Variants in FRZB observed in about 807,000 individuals in gnomAD.
FRZB encodes frizzled related protein.
A neutral mutation model predicts 32.5 loss-of-function variants in FRZB; 34 were observed. The observed-to-expected ratio is 1.05, with a 90% CI of 0.80 to 1.39. The LOEUF (loss-of-function observed/expected upper bound fraction) is 1.39, where lower values mean the gene tolerates loss of function less well. FRZB is among the 40% of genes most tolerant of loss of function. FRZB has a pLI of 0.00. For missense variants in FRZB, 423 were observed against 424.8 expected (o/e 1.00, Z 0.04); for synonymous variants, 170 against 159.2 (o/e 1.07, Z -0.51).
At chr2:182,853,063 T>A (rs1695727298) in intron 2 of FRZB, among the ~76,000 whole-genome samples, 1 of 152,202 alleles carries the variant, frequency 6.6e-6, no homozygotes, top group African/African-American at 2.4e-5. Context: ...AAAGCATAAA[T>A]TTTTGAGTGT....
chr2:182,847,695 C>A (rs1029140346), intron 2 of FRZB, among the ~76,000 whole-genome samples: 6 of 152,136 alleles, frequency 3.9e-5, no homozygotes, highest in Non-Finnish European at 7.3e-5. Context: ...GAAGTGAAGT[C>A]ATCAGCTATG....
Position 182,834,169 on chromosome 2 carries a change from A to C in FRZB, c.*680T>G, listed in dbSNP as rs1695497657. 1 of 152,226 alleles carries C rather than the reference A, an allele frequency of 6.6e-6. No individual in the cohort carries two copies. The highest frequency in any genetic ancestry group is 1.5e-5 in the Non-Finnish European group (1 of 68,068). The allele number at this position is 152,226 out of a possible 1,614,324, so 9.4% of individuals were successfully genotyped here. On this transcript the variant is annotated 3_prime_UTR_variant, in exon 6 of 6. Coordinates refer to ENST00000295113, the MANE Select transcript of FRZB (RefSeq NM_001463.4). Reference sequence around the variant, plus strand: ...AGAAGAATGCTACCATTAACACCCCAGCGGCTACTGGTTTCAGTTGTGCTT... The same window carrying C: ...AGAAGAATGCTACCATTAACACCCCCGCGGCTACTGGTTTCAGTTGTGCTT...
rs1342871082 is a variant in FRZB at position 182,858,813 on chromosome 2, T to C, written c.499A>G (p.Asn167Asp). The C allele has an allele frequency of 1.2e-6, 2 of 1,610,612 alleles. No individual in the cohort carries two copies. Among genetic ancestry groups the C allele is most frequent in the African/African-American group, 2.7e-5 (2 of 74,830 alleles). The change falls in exon 2 of 6, where the codon AAC (asparagine) becomes GAC (aspartate). Residue 167 changes from asparagine to aspartate, a missense_variant. Transcript: ENST00000295113. ...CTGCTTGCCCCTCTACAGTTTCCGT[T>C]ACTAGAATCCATAGGAAAATCTGAA... Reference protein sequence around the residue: ...DGADFPMDSSNGNCRGASSER... With the variant: ...DGADFPMDSSDGNCRGASSER...
intron 1 of FRZB, among the ~76,000 whole-genome samples, chr2:182,865,870 T>C (rs996994945): frequency 6.6e-6 from 1 of 152,114 alleles, no homozygotes; most frequent in Non-Finnish European, 1.5e-5. Context: ...GTGCATCAGT[T>C]TGGAAGGTGA....
chr2:182,854,129 A>T (rs1695739899), intron 2 of FRZB, among the ~76,000 whole-genome samples: 1 of 152,158 alleles, frequency 6.6e-6, no homozygotes, highest in Non-Finnish European at 1.5e-5. Flanking sequence ...GGGAGTAGTT[A>T]CCTTTGAAGA....
chr2:182,854,522 G>C (rs984811373), intron 2 of FRZB, among the ~76,000 whole-genome samples: 2 of 152,172 alleles, frequency 1.3e-5, no homozygotes, highest in African/African-American at 4.8e-5. Flanking sequence ...GCATTTTGCA[G>C]ACAGAGTACA....
At position 182,866,369 on chromosome 2, in the gene FRZB, G is replaced by T; in HGVS notation, c.184C>A (p.Gln62Lys). 1 of 1,613,742 alleles carries T rather than the reference G, an allele frequency of 6.2e-7. No homozygotes were observed. The highest frequency in any genetic ancestry group is 8.5e-7 in the Non-Finnish European group (1 of 1,179,652). ...TCGATGGCCAGGATGGCGTTGGCCT[G>T]AGTGCTGTGGTGCAGGTGGTTGGGC... is the stretch of plus-strand genomic sequence containing the variant. Reference protein sequence around the residue: ...KMPNHLHHSTQANAILAIEQF... With the variant: ...KMPNHLHHSTKANAILAIEQF... Residue 62 changes from glutamine to lysine, a missense_variant, in exon 1 of 6, where the codon CAG becomes AAG. Physicochemically the swap from Gln to Lys is moderately conservative, Grantham distance 53. Transcript: ENST00000295113. This position sits in a 1 kb window ranked among gnomAD's most constrained non-coding sequence, Gnocchi z 4.5.
intron 3 of FRZB, among the ~76,000 whole-genome samples, chr2:182,842,048 T>C (rs2105753853): frequency 6.6e-6 from 1 of 152,324 alleles, no homozygotes; most frequent in East Asian, 1.9e-4. Context: ...TTTCATGGGA[T>C]AGACTGACTG....
intron 1 of FRZB, among the ~76,000 whole-genome samples, chr2:182,865,252 C>T (rs7561870): frequency 0.059 from 9,025 of 151,960 alleles, 860 homozygotes; most frequent in African/African-American, 0.21. Flanking sequence ...AATAACATTA[C>T]GTGAGTGTAT....
At chr2:182,863,781 C>T (rs1695860079) in intron 1 of FRZB, among the ~76,000 whole-genome samples, 1 of 152,148 alleles carries the variant, frequency 6.6e-6, no homozygotes, top group Non-Finnish European at 1.5e-5. Context: ...GTGGTAGTTC[C>T]TAAGTAATTC....
chr2:182,862,892 C>T (rs1413040549), intron 1 of FRZB, among the ~76,000 whole-genome samples: 1 of 151,998 alleles, frequency 6.6e-6, no homozygotes, highest in Non-Finnish European at 1.5e-5. Flanking sequence ...CCTCAGTTTC[C>T]TGGAGTAGCT....
At chr2:182,850,250 A>T (rs1695695471) in intron 2 of FRZB, among the ~76,000 whole-genome samples, 2 of 152,214 alleles carry the variant, frequency 1.3e-5, no homozygotes. Context: ...ATTATTGTAC[A>T]TATTGAAATG....
Position 182,838,477 on chromosome 2 carries a change from G to T in FRZB, c.729C>A (p.Cys243Ter). ...DTVNLYTSSG[C>*]LCPPLNVNEE... ...CATTAACATTAAGTGGAGGGCAGAG[G>T]CAGCCAGAGCTGGTATAGAGGTTGA... The change falls in exon 4 of 6, where the codon TGC (cysteine) becomes TGA (stop). Residue 243 changes from cysteine to a stop codon, truncating the protein, a stop_gained. Coordinates refer to ENST00000295113, the MANE Select transcript of FRZB (RefSeq NM_001463.4). LOFTEE classifies it high-confidence loss of function. 6.2e-7 allele frequency: 1 copy of T among 1,612,978 alleles called. No homozygotes were observed. The highest frequency in any genetic ancestry group is 8.5e-7 in the Non-Finnish European group (1 of 1,179,250).
intron 2 of FRZB, 63 bp downstream of exon 2, chr2:182,858,723 C>A: frequency 7.7e-7 from 1 of 1,302,988 alleles, no homozygotes; most frequent in South Asian, 1.4e-5. Context: ...ACTTAAGTAT[C>A]TAAATTACAT....
In FRZB at chr2:182,838,517, A is replaced by G. The variant is rs1685674070; in HGVS notation, c.689T>C (p.Ile230Thr). ...KEILKSSLVN[I>T]PRDTVNLYTS... ...ATAGAGGTTGACAGTGTCCCGTGGA[A>G]TGTTTACCAGAGAGGACTTTAGAAT... is the stretch of plus-strand genomic sequence containing the variant. Residue 230 changes from isoleucine to threonine, a missense_variant, in exon 4 of 6, where the codon ATT (isoleucine) becomes ACT (threonine). Ile to Thr is a moderately conservative substitution (Grantham distance 89). Coordinates refer to ENST00000295113, the MANE Select transcript of FRZB (RefSeq NM_001463.4). The G allele has an allele frequency of 6.2e-7, 1 of 1,612,982 alleles. No individual in the cohort carries two copies. Among genetic ancestry groups the G allele is most frequent in the Non-Finnish European group, 8.5e-7 (1 of 1,179,226 alleles).
At chr2:182,859,957 G>A (rs1323923359) in intron 1 of FRZB, among the ~76,000 whole-genome samples, 2 of 152,074 alleles carry the variant, frequency 1.3e-5, no homozygotes, top group African/African-American at 2.4e-5. Context: ...TTACAGTAAC[G>A]TGCCAGTGGT....
At chr2:182,854,386 C>CATGCTTCCT (rs1559050065) in intron 2 of FRZB, among the ~76,000 whole-genome samples, 2 of 152,090 alleles carry the variant, frequency 1.3e-5, no homozygotes, top group African/African-American at 4.8e-5. Context: ...AACTCTAAAA[C>CATGCTTCCT]GTAATACAAG....
At chr2:182,838,284 T>A in intron 4 of FRZB, 125 bp downstream of exon 4, 1 of 818,746 alleles carries the variant, frequency 1.2e-6, no homozygotes, top group Non-Finnish European at 1.9e-6. Flanking sequence ...CTAAAACTTA[T>A]CTGTAATCCC....
chr2:182,856,329 T>C (rs775785754), intron 2 of FRZB, among the ~76,000 whole-genome samples: 1 of 151,922 alleles, frequency 6.6e-6, no homozygotes, highest in Non-Finnish European at 1.5e-5. Flanking sequence ...TATAAAATTA[T>C]CTCATGAGGA....
Sources: allele counts gnomAD v4.1 joint callset (sites outside exome capture counted in the v4.1 genomes callset), GRCh38; gene constraint gnomAD v4.1.1; non-coding constraint Gnocchi (gnomAD v3.1); transcripts MANE v1.5; gene names NCBI Gene and HGNC (gene_info 2026-07-23, HGNC 2026-07-21).